Variants in TRIO observed in about 807,000 individuals in gnomAD.
TRIO encodes trio Rho guanine nucleotide exchange factor.
TRIO carries 58 observed loss-of-function variants against 351.9 expected under a neutral mutation model. The ratio of observed to expected loss-of-function variants is 0.16; its 90% CI spans 0.13 to 0.21. The LOEUF (loss-of-function observed/expected upper bound fraction) is 0.21. Among genes scored for constraint, TRIO ranks in the 10% least tolerant of loss-of-function variants. The pLI is 1.00. For missense variants in TRIO, 3,201 were observed against 4,027.8 expected, an observed-to-expected ratio of 0.79 and a Z score of 5.56; for synonymous variants, 1,758 against 1,595.7, an observed-to-expected ratio of 1.10 and a Z score of -2.42.
At chr5:14,151,487 T>C (rs1787831790) in intron 1 of TRIO, among the ~76,000 whole-genome samples, 1 of 152,104 alleles carries the variant, frequency 6.6e-6, no homozygotes, top group African/African-American at 2.4e-5. Flanking sequence ...GTGGTTTCAG[T>C]GCAAGAATGA....
In TRIO at chr5:14,508,123, G is replaced by A; in HGVS notation, c.8995G>A (p.Glu2999Lys). ...VSPFLDDSVE[E>K]TCLNICRLDF... ...CCCCTTCCTGGATGACAGTGTGGAA[G>A]AGACCTGCCTGAACATTTGCCGCTT... Residue 2999 changes from glutamate (E) to lysine (K), a missense_variant, in exon 57 of 57, where the codon GAG becomes AAG. Physicochemically the swap from Glu to Lys is moderately conservative, Grantham distance 56. Around this residue, in one of 19 missense-constraint regions of TRIO, gnomAD observed 233 missense variants for 292.6 expected, o/e 0.80. Transcript: ENST00000344204. 6.2e-7 allele frequency: 1 copy of A among 1,614,224 alleles called. No individual in the cohort carries two copies. The highest frequency in any genetic ancestry group is 2.2e-5 in the East Asian group (1 of 44,880).
intron 34 of TRIO, among the ~76,000 whole-genome samples, chr5:14,437,940 C>A (rs549944152): frequency 6.6e-6 from 1 of 152,322 alleles, no homozygotes; most frequent in African/African-American, 2.4e-5. Context: ...TCCTTCCCAG[C>A]ATCTCTAGCT....
In TRIO at chr5:14,509,671, A is replaced by G; in HGVS notation, c.*1249A>G. ...CTGGGTTTTGAGCTTTTGGTAAGAAATAAAAGCCGATTAAGCACTGGCCGC... is the reference window on the plus strand; with the variant it reads ...CTGGGTTTTGAGCTTTTGGTAAGAAGTAAAAGCCGATTAAGCACTGGCCGC... On this transcript the variant is annotated 3_prime_UTR_variant, in exon 57 of 57. Transcript: ENST00000344204. The G allele has an allele frequency of 3.0e-6, 1 of 330,764 alleles. No homozygotes were observed. The highest frequency in any genetic ancestry group is 5.8e-6 in the Non-Finnish European group (1 of 172,526). 20.5% of individuals were successfully genotyped at this position (330,764 alleles called of 1,614,324 possible).
At chr5:14,145,492 ACCC>A (rs36110495) in intron 1 of TRIO, among the ~76,000 whole-genome samples, 1 of 144,890 alleles carries the variant, frequency 6.9e-6, no homozygotes, top group Non-Finnish European at 1.5e-5. Context: ...AAAGAAAGCT[ACCC>A]CCCCCCACCT....
chr5:14,294,173 A>C (rs1488741099), intron 6 of TRIO, among the ~76,000 whole-genome samples: 2 of 152,174 alleles, frequency 1.3e-5, no homozygotes, highest in Non-Finnish European at 2.9e-5. Context: ...GTGACAGAGC[A>C]AGACCTTGTC....
intron 1 of TRIO, among the ~76,000 whole-genome samples, chr5:14,160,117 C>T (rs980562962): frequency 6.6e-6 from 1 of 152,100 alleles, no homozygotes; most frequent in African/African-American, 2.4e-5. Flanking sequence ...GGGCACAGTC[C>T]CTGAAAGAAA....
At chr5:14,197,535 G>A (rs151901) in intron 1 of TRIO, among the ~76,000 whole-genome samples, 130,070 of 152,220 alleles carry the variant, frequency 0.85, 55,710 homozygotes, top group East Asian at 0.99. Flanking sequence ...CAAGCAGTCA[G>A]AACTGTCTCT....
At chr5:14,412,530 T>C (rs1749291757) in intron 33 of TRIO, among the ~76,000 whole-genome samples, 1 of 152,204 alleles carries the variant, frequency 6.6e-6, no homozygotes, top group African/African-American at 2.4e-5. Flanking sequence ...GTTCTGCCTC[T>C]ATTCACCACA....
At chr5:14,161,051 A>C (rs1788420063) in intron 1 of TRIO, among the ~76,000 whole-genome samples, 1 of 152,126 alleles carries the variant, frequency 6.6e-6, no homozygotes, top group Non-Finnish European at 1.5e-5. Flanking sequence ...CTGGGATTAC[A>C]GGCATGCGCC....
chr5:14,447,247 G>C (rs899342960), intron 34 of TRIO, among the ~76,000 whole-genome samples: 7 of 152,186 alleles, frequency 4.6e-5, no homozygotes, highest in Non-Finnish European at 1.0e-4. Flanking sequence ...AATAAATAAA[G>C]AGAAATAGTA....
intron 34 of TRIO, among the ~76,000 whole-genome samples, chr5:14,460,301 CTG>C (rs1319995162): frequency 6.6e-6 from 1 of 152,086 alleles, no homozygotes; most frequent in South Asian, 2.1e-4. Flanking sequence ...TTTCTCAAGA[CTG>C]TGAGCAAAGT....
chr5:14,474,854 G>A (rs1754938245), intron 40 of TRIO, among the ~76,000 whole-genome samples: 1 of 152,040 alleles, frequency 6.6e-6, no homozygotes, highest in Non-Finnish European at 1.5e-5. Flanking sequence ...TTTGGTTTTC[G>A]TAGACAAACA....
At chr5:14,415,153 A>C (rs556804787) in intron 33 of TRIO, among the ~76,000 whole-genome samples, 22 of 152,242 alleles carry the variant, frequency 1.4e-4, no homozygotes, top group African/African-American at 4.6e-4. Flanking sequence ...TTTGTTCTTT[A>C]GGGGAAAATG....
chr5:14,291,037 A>G lies in TRIO; in HGVS notation c.862A>G (p.Ser288Gly), dbSNP rs1239001632. The G allele has an allele frequency of 2.5e-6, 4 of 1,614,216 alleles. No homozygotes were observed. The highest frequency in any genetic ancestry group is 1.7e-6 in the Non-Finnish European group (2 of 1,180,036). Residue 288 changes from serine to glycine, a missense_variant, in exon 5 of 57, where the codon AGC becomes GGC. Transcript: ENST00000344204. ...ACAGAAGCTGCTTCAGAGGATACAG[A>G]GCAGTGAAAGCTTTCCCAAAAAGAA... ...EGQKLLQRIQ[S>G]SESFPKKNSG...
In TRIO at chr5:14,381,266, G is replaced by A. The variant is rs758442349; in HGVS notation, c.3570+14G>A. The A allele has an allele frequency of 6.2e-7, 1 of 1,601,216 alleles. No homozygotes were observed. Among genetic ancestry groups the A allele is most frequent in the Non-Finnish European group, 8.5e-7 (1 of 1,176,078 alleles). ...ATAACTGCAAAGGTGGGTTCAGAGTGTACTTTGTATAGTGGCCTCTAAGTC... is the reference window on the plus strand; with the variant it reads ...ATAACTGCAAAGGTGGGTTCAGAGTATACTTTGTATAGTGGCCTCTAAGTC... On this transcript the variant is annotated intron_variant, in intron 21 of 56. Coordinates refer to ENST00000344204, the MANE Select transcript of TRIO (RefSeq NM_007118.4).
rs552631835 is a variant in TRIO at position 14,364,632 on chromosome 5, T to G, written c.2588-18T>G. The G allele has an allele frequency of 1.1e-4, 176 of 1,595,064 alleles. No homozygotes were observed. The South Asian group carries it at 1.3e-3, about 11-fold the overall frequency. On this transcript the variant is annotated intron_variant, in intron 14 of 56. Coordinates refer to ENST00000344204, the MANE Select transcript of TRIO (RefSeq NM_007118.4). Reference sequence around the variant, plus strand: ...GAAGTGCTAGCTGAATTCTAGGGTCTCCCTTTAATGTCCACAGGTGTGGAG... The same window carrying G: ...GAAGTGCTAGCTGAATTCTAGGGTCGCCCTTTAATGTCCACAGGTGTGGAG...
intron 1 of TRIO, among the ~76,000 whole-genome samples, chr5:14,245,516 T>A (rs1196057285): frequency 6.6e-6 from 1 of 152,242 alleles, no homozygotes; most frequent in Non-Finnish European, 1.5e-5. Context: ...ACTTGGTTTC[T>A]TGAGAGCTGT....
chr5:14,432,991 G>T (rs1015326631), intron 34 of TRIO, among the ~76,000 whole-genome samples: 1 of 152,148 alleles, frequency 6.6e-6, no homozygotes, highest in African/African-American at 2.4e-5. Context: ...TAGCTACATG[G>T]CTCTTAATTT....
Position 14,498,167 on chromosome 5 carries a change from G to A in TRIO, c.8126G>A (p.Cys2709Tyr), listed in dbSNP as rs781325291. The change falls in exon 52 of 57, where the codon TGT (cysteine) becomes TAT (tyrosine). Residue 2709 changes from cysteine (C) to tyrosine (Y), a missense_variant. Cys to Tyr is a radical substitution (Grantham distance 194). Around this residue, in one of 19 missense-constraint regions of TRIO, gnomAD observed 1,089 missense variants for 954.9 expected, o/e 1.14. Coordinates refer to ENST00000344204, the MANE Select transcript of TRIO (RefSeq NM_007118.4). ...GETVVLRCRVCGRPKASITWK... is the reference protein window; with the variant it reads ...GETVVLRCRVYGRPKASITWK... ...ACCGTTGTTCTTAGATGTCGAGTCT[G>A]TGGCCGCCCCAAAGCCTCAATTACC... The A allele has an allele frequency of 6.8e-6, 11 of 1,614,244 alleles. No homozygotes were observed. Among genetic ancestry groups the A allele is most frequent in the African/African-American group, 1.3e-5 (1 of 75,056 alleles).
Sources: gnomAD v4.1 joint callset for allele counts (sites outside exome capture counted in the v4.1 genomes callset) on GRCh38, gnomAD v4.1.1 for gene constraint, gnomAD v4.1.1 regional missense constraint, MANE v1.5 for transcripts, NCBI Gene and HGNC (gene_info 2026-07-23, HGNC 2026-07-21) for gene names.